Variants in DMD observed in about 807,000 individuals in gnomAD.
The protein encoded by DMD is dystrophin.
DMD carries 63 observed loss-of-function variants against 330.1 expected under a neutral mutation model. The ratio of observed to expected loss-of-function variants is 0.19; its 90% CI spans 0.16 to 0.24. DMD has a LOEUF of 0.24. DMD is among the 10% of genes least tolerant of loss of function. The pLI is 1.00. For synonymous variants in DMD, 1,223 were observed against 959.8 expected (o/e 1.27, Z -5.07); for missense variants, 3,344 against 2,684.1 (o/e 1.25, Z -5.43).
chrX:31,139,469 T>TTA (rs1271833885), intron 76 of DMD, among the ~76,000 whole-genome samples: 14 of 84,519 alleles, frequency 1.7e-4, no homozygotes, highest in South Asian at 5.3e-4. Context: ...TACGTGGTGT[T>TTA]TATATACACA....
intron 7 of DMD, among the ~76,000 whole-genome samples, chrX:32,784,611 G>A (rs1271430341): frequency 9.0e-6 from 1 of 111,655 alleles, no homozygotes; most frequent in Non-Finnish European, 1.9e-5. Context: ...GAAAAAGTTA[G>A]GTTCCCGCTC....
chrX:32,524,550 G>A (rs2046769793), intron 17 of DMD, among the ~76,000 whole-genome samples: 1 of 112,100 alleles, frequency 8.9e-6, no homozygotes, highest in Admixed American at 9.4e-5. Flanking sequence ...TGTAAATTAG[G>A]ATTAAATCAG....
chrX:32,623,711 T>C (rs956391994), intron 11 of DMD, among the ~76,000 whole-genome samples: 2 of 110,055 alleles, frequency 1.8e-5, no homozygotes, highest in Non-Finnish European at 3.8e-5. Context: ...TCTTTTTGTA[T>C]AGATGTGGTC....
At chrX:32,123,728 C>T (rs2146809922) in intron 44 of DMD, among the ~76,000 whole-genome samples, 1 of 111,572 alleles carries the variant, frequency 9.0e-6, no homozygotes, top group Non-Finnish European at 1.9e-5. Context: ...AACATTGTGG[C>T]ATGCTTTATT....
At chrX:31,431,677 G>A (rs990985455) in intron 60 of DMD, among the ~76,000 whole-genome samples, 5 of 112,199 alleles carry the variant, frequency 4.5e-5, no homozygotes, top group South Asian at 7.3e-4. Flanking sequence ...GATTACAGGC[G>A]TGAGCCACTG....
intron 44 of DMD, among the ~76,000 whole-genome samples, chrX:32,123,821 C>A (rs1274179634): frequency 8.9e-6 from 1 of 112,153 alleles, no homozygotes; most frequent in Non-Finnish European, 1.9e-5. Flanking sequence ...AGGAAATAGA[C>A]TGTACACTTT....
intron 9 of DMD, among the ~76,000 whole-genome samples, chrX:32,657,574 A>T (rs1482849954): frequency 3.6e-5 from 4 of 111,914 alleles, no homozygotes; most frequent in Admixed American, 2.9e-4. Context: ...ACAAACCGAC[A>T]TTCCTTGGCT....
Position 33,020,121 on chromosome X carries a change from G to A in DMD, c.93+18C>T. On this transcript the variant is annotated intron_variant, in intron 2 of 78. Transcript: ENST00000357033. ...TCACAACTTAGATCTTAAAAGTAAA[G>A]TAACAAACCATTCTTACCTTAGAAA... 1 of 1,169,098 alleles carries A rather than the reference G, an allele frequency of 8.6e-7. No individual in the cohort carries two copies.
chrX:32,255,097 G>A (rs2097292936), intron 43 of DMD, among the ~76,000 whole-genome samples: 1 of 111,829 alleles, frequency 8.9e-6, no homozygotes. Context: ...CCCTATTTTA[G>A]GATGTGACAG....
At chrX:33,155,749 C>T (rs773368156) in intron 1 of DMD, among the ~76,000 whole-genome samples, 2 of 109,273 alleles carry the variant, frequency 1.8e-5, no homozygotes, top group Admixed American at 9.9e-5. Context: ...ACTTGAGGCC[C>T]AGAGTTTGAG....
At chrX:32,885,939 TCA>T (rs1354925840) in intron 2 of DMD, among the ~76,000 whole-genome samples, 1 of 107,473 alleles carries the variant, frequency 9.3e-6, no homozygotes, top group Non-Finnish European at 1.9e-5. Flanking sequence ...ACAATAAAAC[TCA>T]CATTCTTATT....
intron 20 of DMD, among the ~76,000 whole-genome samples, chrX:32,489,343 T>A (rs1188862834): frequency 1.1e-5 from 1 of 91,481 alleles, no homozygotes; most frequent in East Asian, 3.3e-4. Flanking sequence ...TGGGTAAGGG[T>A]GGCGGGGTGG....
At chrX:32,797,982 G>GT (rs2076295685) in intron 7 of DMD, among the ~76,000 whole-genome samples, 1 of 111,644 alleles carries the variant, frequency 9.0e-6, no homozygotes, top group Non-Finnish European at 1.9e-5. Context: ...CCCCAACTGA[G>GT]TAAGAAACTC....
intron 4 of DMD, among the ~76,000 whole-genome samples, chrX:32,826,709 G>T (rs1246955692): frequency 1.8e-5 from 2 of 111,250 alleles, no homozygotes; most frequent in African/African-American, 6.6e-5. Context: ...GAGGAGGAGG[G>T]TTAGGCAGAT....
At chrX:32,251,467 C>G (rs1306802343) in intron 43 of DMD, among the ~76,000 whole-genome samples, 1 of 111,372 alleles carries the variant, frequency 9.0e-6, no homozygotes, top group African/African-American at 3.3e-5. Flanking sequence ...GCTCAGGGAT[C>G]ATCCCTGACA....
chrX:32,831,723 A>T (rs1447896671), intron 4 of DMD, among the ~76,000 whole-genome samples: 1 of 108,245 alleles, frequency 9.2e-6, no homozygotes, highest in African/African-American at 3.4e-5. Flanking sequence ...TATGAGAGAG[A>T]GAAAAAGACA....
At chrX:31,645,419 T>C (rs2080028486) in intron 54 of DMD, among the ~76,000 whole-genome samples, 1 of 112,406 alleles carries the variant, frequency 8.9e-6, no homozygotes, top group Admixed American at 9.4e-5. Flanking sequence ...CTTAAACTTC[T>C]ACCAGAATAT....
intron 2 of DMD, among the ~76,000 whole-genome samples, chrX:33,017,546 C>T (rs1423507606): frequency 9.0e-6 from 1 of 111,314 alleles, no homozygotes; most frequent in Non-Finnish European, 1.9e-5. Flanking sequence ...AATTTTTCCA[C>T]CCAGTTTTTC....
At chrX:32,873,093 CT>C (rs1254736130) in intron 2 of DMD, among the ~76,000 whole-genome samples, 94 of 111,296 alleles carry the variant, frequency 8.4e-4, no homozygotes, top group Middle Eastern at 9.2e-3. Flanking sequence ...TTTTAGTTCC[CT>C]TTTTGATTGC....
Sources: allele counts gnomAD v4.1 joint callset (sites outside exome capture counted in the v4.1 genomes callset), GRCh38; gene constraint gnomAD v4.1.1; transcripts MANE v1.5; gene names NCBI Gene and HGNC (gene_info 2026-07-23, HGNC 2026-07-21).